The following DNAH12 variants were observed in gnomAD, a reference collection of about 807,000 sequenced individuals.
The protein encoded by DNAH12 is axonemal beta dynein heavy chain 12.
A neutral mutation model predicts 371.5 loss-of-function variants in DNAH12; 285 were observed. That is an observed-to-expected ratio of 0.77 (90% CI 0.70 to 0.85). DNAH12 has a LOEUF of 0.85. DNAH12 is among the 40% of genes least tolerant of loss of function. The pLI, the probability that DNAH12 is intolerant of heterozygous loss-of-function variation, is 0.00. For missense variants in DNAH12, 3,611 were observed against 3,689.4 expected, an observed-to-expected ratio of 0.98 and a Z score of 0.55; for synonymous variants, 1,200 against 1,213.0, an observed-to-expected ratio of 0.99 and a Z score of 0.22.
intron 42 of DNAH12, among the ~76,000 whole-genome samples, chr3:57,404,008 G>T (rs1017688706): frequency 6.6e-6 from 1 of 152,034 alleles, no homozygotes; most frequent in African/African-American, 2.4e-5. Context: ...AATAATGGAA[G>T]CTCTCAAAAA....
intron 53 of DNAH12, 66 bp from the exon 54 acceptor site, chr3:57,376,031 G>A (rs1211602221): frequency 3.3e-5 from 5 of 152,000 alleles, no homozygotes; most frequent in African/African-American, 1.2e-4. Flanking sequence ...TAATATAAAG[G>A]GCAAGGGTTT....
In DNAH12 at chr3:57,327,550, A is replaced by C. The variant is rs573802172; in HGVS notation, c.9979-3931T>G. Reference sequence around the variant, plus strand: ...CAATATACCAGAATCTCTGGGACACATTCAAAGCAGTGTGTAAAGGGAAAT... The same window carrying C: ...CAATATACCAGAATCTCTGGGACACCTTCAAAGCAGTGTGTAAAGGGAAAT... On this transcript the variant is annotated intron_variant, in intron 62 of 73. Transcript: ENST00000495027. Among the ~76,000 whole-genome samples, 6 of 152,346 alleles carry C rather than the reference A, an allele frequency of 3.9e-5. No individual in the cohort carries two copies. The East Asian group carries it at 9.7e-4, about 25-fold the overall frequency.
At chr3:57,498,386 A>C in intron 11 of DNAH12, 1 of 667,374 alleles carries the variant, frequency 1.5e-6, no homozygotes, top group Non-Finnish European at 2.7e-6. Context: ...GCATGATCAT[A>C]ACTCACTGCA....
intron 45 of DNAH12, among the ~76,000 whole-genome samples, chr3:57,391,252 G>C (rs2063616539): frequency 6.6e-6 from 1 of 152,122 alleles, no homozygotes; most frequent in Non-Finnish European, 1.5e-5. Context: ...GCATCCAATT[G>C]TCCTTGTCCA....
intron 17 of DNAH12, among the ~76,000 whole-genome samples, chr3:57,467,657 A>AC (rs1162428941): frequency 6.6e-6 from 1 of 152,156 alleles, no homozygotes; most frequent in East Asian, 1.9e-4. Context: ...TATGTTTTCC[A>AC]TAGGAAAATG....
At chr3:57,499,647 A>AAATATAT (rs1451248906) in intron 11 of DNAH12, among the ~76,000 whole-genome samples, 1 of 17,946 alleles carries the variant, frequency 5.6e-5, no homozygotes, top group African/African-American at 2.1e-4. Flanking sequence ...AAAAAAAAAA[A>AAATATAT]ATATATATAT....
At chr3:57,485,338 T>A (rs1286730214) in intron 12 of DNAH12, among the ~76,000 whole-genome samples, 2 of 152,118 alleles carry the variant, frequency 1.3e-5, no homozygotes, top group Non-Finnish European at 2.9e-5. Flanking sequence ...CACGGAATAC[T>A]ACTTAGCCAT....
intron 30 of DNAH12, among the ~76,000 whole-genome samples, chr3:57,434,603 A>T (rs967286104): frequency 2.0e-5 from 3 of 151,992 alleles, no homozygotes; most frequent in Admixed American, 6.6e-5. Context: ...TAATAATAAT[A>T]AAAAAAACCT....
chr3:57,516,053 CTTTT>C (rs11395278), intron 4 of DNAH12, among the ~76,000 whole-genome samples: 2 of 71,962 alleles, frequency 2.8e-5, no homozygotes, highest in Non-Finnish European at 4.8e-5. Flanking sequence ...ACTGCTTAGT[CTTTT>C]TTTTTTTTTT....
chr3:57,553,985 C>T, the DNAH12 span, among the ~76,000 whole-genome samples: 3 of 151,458 alleles, frequency 2.0e-5, no homozygotes, highest in African/African-American at 4.9e-5. Context: ...CCACTGCGCC[C>T]GGCTAATTTT....
At chr3:57,496,192 C>T (rs1277794883) in intron 11 of DNAH12, among the ~76,000 whole-genome samples, 1 of 151,872 alleles carries the variant, frequency 6.6e-6, no homozygotes, top group East Asian at 1.9e-4. Context: ...AGAACATAGC[C>T]CCAACTGACA....
chr3:57,365,423 A>G (rs983724170), intron 57 of DNAH12, among the ~76,000 whole-genome samples: 4 of 152,180 alleles, frequency 2.6e-5, no homozygotes, highest in African/African-American at 4.8e-5. Flanking sequence ...ACACGTAGAC[A>G]CAGGGTAGGG....
intron 55 of DNAH12, among the ~76,000 whole-genome samples, chr3:57,368,945 G>C (rs1391549571): frequency 6.6e-6 from 1 of 151,946 alleles, no homozygotes; most frequent in African/African-American, 2.4e-5. Context: ...GGTGGCTCAG[G>C]CCTATAATGC....
rs767230753 is a variant in DNAH12 at position 57,462,838 on chromosome 3, C to T, written c.2387G>A (p.Gly796Glu). 325 of 1,551,350 alleles carry T rather than the reference C, an allele frequency of 2.1e-4. 1 individual carries two copies. The Middle Eastern group carries it at 4.7e-3, about 22-fold the overall frequency. ...CTGTTTCCAGTGACGAGCTCTCATT[C>T]CTGGATTGCACAGAATGGAGACAGT... is the stretch of plus-strand genomic sequence containing the variant. ...IPTVSILCNPGMRARHWKQIS... is the reference protein window; with the variant it reads ...IPTVSILCNPEMRARHWKQIS... Residue 796 changes from glycine (G) to glutamate (E), a missense_variant, in exon 18 of 74, where the codon GGA becomes GAA. Physicochemically the swap from Gly to Glu is moderately conservative, Grantham distance 98. Coordinates refer to ENST00000495027, the MANE Select transcript of DNAH12 (RefSeq NM_001366028.2).
intron 4 of DNAH12, among the ~76,000 whole-genome samples, chr3:57,513,343 A>G (rs190098955): frequency 2.9e-4 from 44 of 152,246 alleles, no homozygotes; most frequent in African/African-American, 9.6e-4. Flanking sequence ...CAGGGAAGGG[A>G]GTAACACAAA....
At position 57,310,951 on chromosome 3, in the gene DNAH12, C is replaced by A; in HGVS notation, c.10663-1G>T. On this transcript the variant is annotated splice_acceptor_variant, in intron 66 of 73. Transcript: ENST00000495027. LOFTEE classifies it high-confidence loss of function. ...TTGTATCATATTCATTGATAAATAA[C>A]TGAAGCAAAGGAAAAATGAAACAAG... 1 of 1,539,016 alleles carries A rather than the reference C, an allele frequency of 6.5e-7. No individual in the cohort carries two copies. The highest frequency in any genetic ancestry group is 1.7e-4 in the Middle Eastern group (1 of 5,956).
At position 57,324,749 on chromosome 3, in the gene DNAH12, A is replaced by G. The variant is rs373862769; in HGVS notation, c.9979-1130T>C. 3.8e-4 allele frequency among the ~76,000 whole-genome samples: 58 copies of G among 152,346 alleles called. No homozygotes were observed. The South Asian group carries it at 6.4e-3, about 17-fold the overall frequency. On this transcript the variant is annotated intron_variant, in intron 62 of 73. Coordinates refer to ENST00000495027, the MANE Select transcript of DNAH12 (RefSeq NM_001366028.2). The stretch of plus-strand genomic sequence containing the variant: ...TCAGTGGGTGCAGCGCACCATGCAC[A>G]AGCCGAAGCAGGGCGAGGCATTGCC...
intron 47 of DNAH12, among the ~76,000 whole-genome samples, chr3:57,385,743 G>C (rs981846232): frequency 1.3e-5 from 2 of 152,116 alleles, no homozygotes; most frequent in Admixed American, 6.5e-5. Flanking sequence ...TTTGCCAGGC[G>C]TGGCAGCATG....
intron 12 of DNAH12, among the ~76,000 whole-genome samples, chr3:57,486,181 CAAA>C (rs11338004): frequency 1.6e-5 from 2 of 121,294 alleles, no homozygotes; most frequent in African/African-American, 2.9e-5. Context: ...GACTCCATCT[CAAA>C]AAAAAAAAAA....
Sources: allele counts gnomAD v4.1 joint callset (sites outside exome capture counted in the v4.1 genomes callset), GRCh38; gene constraint gnomAD v4.1.1; transcripts MANE v1.5; gene names NCBI Gene and HGNC (gene_info 2026-07-23, HGNC 2026-07-21).